POLR2C: variants seen among roughly 807,000 people sequenced by gnomAD.
POLR2C encodes DNA-directed RNA polymerase II subunit RPB3.
A neutral mutation model predicts 41.7 loss-of-function variants in POLR2C; 36 were observed. The observed-to-expected ratio is 0.86, with a 90% CI of 0.66 to 1.14. POLR2C has a LOEUF of 1.14. Ranked by LOEUF, POLR2C falls within the 50% of genes most tolerant of loss-of-function variation. The pLI is 0.00. For missense variants in POLR2C, 260 were observed against 350.4 expected (o/e 0.74, Z 2.06); for synonymous variants, 133 against 137.8 (o/e 0.96, Z 0.25).
At position 57,469,485 on chromosome 16, in the gene POLR2C, C is replaced by A; in HGVS notation, c.387+192C>A. The A allele has an allele frequency of 1.4e-6, 1 of 730,384 alleles. No homozygotes were observed. The highest frequency in any genetic ancestry group is 2.7e-5 in the East Asian group (1 of 37,280). 45.2% of individuals were successfully genotyped at this position (730,384 alleles called of 1,614,324 possible). A position where few individuals can be genotyped will look rare whatever the true frequency, so the allele number is the denominator to read the frequency against. Reference sequence around the variant, plus strand: ...GTTAGCATCGTTGGTGCTGCGCACCCTCTATCACCCAGGGACTCTTTTAAA... The same window carrying A: ...GTTAGCATCGTTGGTGCTGCGCACCATCTATCACCCAGGGACTCTTTTAAA... On this transcript the variant is annotated intron_variant, in intron 5 of 8. Transcript: ENST00000219252. This position sits in a 1 kb window ranked among gnomAD's most constrained non-coding sequence, Gnocchi z 5.8.
rs990199784 is a variant in POLR2C at position 57,470,442 on chromosome 16, C to T, written c.683+88C>T. 7 of 931,726 alleles carry T rather than the reference C, an allele frequency of 7.5e-6. No homozygotes were observed. The Admixed American group carries it at 1.1e-4, about 15-fold the overall frequency. 57.7% of individuals were successfully genotyped at this position (931,726 alleles called of 1,614,324 possible). A position where few individuals can be genotyped will look rare whatever the true frequency, so the allele number is the denominator to read the frequency against. ...CGTGAGTTAGGCATTCCCTCTCCCC[C>T]ACCTCGCAGTTCTCATAAGCTGAGG... is the stretch of plus-strand genomic sequence containing the variant. On this transcript the variant is annotated intron_variant, in intron 8 of 8. Transcript: ENST00000219252.
At chr16:57,467,627 CTTTA>C (rs1259641630) in intron 4 of POLR2C, among the ~76,000 whole-genome samples, 1 of 151,816 alleles carries the variant, frequency 6.6e-6, no homozygotes, top group African/African-American at 2.4e-5. Context: ...TTTACATTTG[CTTTA>C]TTTTTCATAT....
intron 4 of POLR2C, among the ~76,000 whole-genome samples, chr16:57,467,745 A>G (rs1294398688): frequency 6.6e-6 from 1 of 152,228 alleles, no homozygotes; most frequent in Non-Finnish European, 1.5e-5. Context: ...CTACATAACT[A>G]CACTTTCATT....
At position 57,469,457 on chromosome 16, in the gene POLR2C, A is replaced by G. The variant is rs2030777358; in HGVS notation, c.387+164A>G. 1 of 792,340 alleles carries G rather than the reference A, an allele frequency of 1.3e-6. No individual in the cohort carries two copies. The highest frequency in any genetic ancestry group is 2.2e-4 in the Middle Eastern group (1 of 4,452). 49.1% of individuals were successfully genotyped at this position (792,340 alleles called of 1,614,324 possible). On this transcript the variant is annotated intron_variant, in intron 5 of 8. Transcript: ENST00000219252. This position sits in a 1 kb window ranked among gnomAD's most constrained non-coding sequence, Gnocchi z 5.8. ...TGCTAATTCTGGATTCCTCTTGGGC[A>G]TCGTTAGCATCGTTGGTGCTGCGCA... is the stretch of plus-strand genomic sequence containing the variant.
At chr16:57,463,497 G>A in intron 2 of POLR2C, 1 of 365,024 alleles carries the variant, frequency 2.7e-6, no homozygotes, top group South Asian at 2.1e-5. Context: ...CAGGTAGTGA[G>A]CATAGTACGC....
At chr16:57,470,626 T>C (rs1338127364) in intron 8 of POLR2C, among the ~76,000 whole-genome samples, 2 of 152,180 alleles carry the variant, frequency 1.3e-5, no homozygotes. Flanking sequence ...AGGTCAACGC[T>C]AGGGGCAGAG....
At chr16:57,468,912 G>A (rs1598044347) in intron 4 of POLR2C, among the ~76,000 whole-genome samples, 2 of 152,178 alleles carry the variant, frequency 1.3e-5, no homozygotes, top group African/African-American at 4.8e-5. Context: ...CCCAGAGGTG[G>A]CCTGGCAGCT....
intron 1 of POLR2C, 90 bp from the exon 2 acceptor site, chr16:57,462,939 C>T: frequency 8.2e-7 from 1 of 1,223,732 alleles, no homozygotes; most frequent in Non-Finnish European, 1.1e-6. Context: ...TGCCCCCCTG[C>T]ACCAGGGCTT....
chr16:57,468,136 G>A (rs375298367), intron 4 of POLR2C, among the ~76,000 whole-genome samples: 13 of 152,158 alleles, frequency 8.5e-5, no homozygotes, highest in Non-Finnish European at 1.8e-4. Context: ...AGCCTCCCAA[G>A]TAGCTGGGAC....
intron 8 of POLR2C, 116 bp downstream of exon 8, chr16:57,470,470 G>A (rs2030807588): frequency 1.3e-6 from 1 of 753,194 alleles, no homozygotes; most frequent in Admixed American, 2.5e-5. Context: ...AGCTGAGGAG[G>A]GGCTGCTGAC....
chr16:57,467,343 A>G (rs1435970458), intron 4 of POLR2C, among the ~76,000 whole-genome samples: 1 of 152,256 alleles, frequency 6.6e-6, no homozygotes, highest in Non-Finnish European at 1.5e-5. Context: ...TATTTGTTTC[A>G]GATCTCCAGA....
intron 8 of POLR2C, 84 bp from the exon 9 acceptor site, chr16:57,470,891 C>G (rs1458145112): frequency 1.5e-6 from 2 of 1,377,150 alleles, no homozygotes; most frequent in Non-Finnish European, 2.0e-6. Context: ...AGCCAAGACC[C>G]GGAAGGAGGA....
Position 57,462,783 on chromosome 16 carries a change from A to C in POLR2C, c.59A>C (p.Lys20Thr), listed in dbSNP as rs776616881. The C allele has an allele frequency of 1.9e-6, 3 of 1,607,310 alleles. No individual in the cohort carries two copies. Among genetic ancestry groups the C allele is most frequent in the Non-Finnish European group, 2.5e-6 (3 of 1,176,648 alleles). Reference protein sequence around the residue: ...RITELTDENVKFIIENTDLAV... With the variant: ...RITELTDENVTFIIENTDLAV... ...ACGGAGCTCACTGACGAGAATGTCA[A>C]GTTCATCATCGAGAACACCGACCTG... The change falls in exon 1 of 9, where the codon AAG becomes ACG. Residue 20 changes from lysine (K) to threonine (T), a missense_variant. By Grantham distance (78) the Lys-to-Thr change is moderately conservative. Transcript: ENST00000219252.
In POLR2C at chr16:57,469,248, T is replaced by C; in HGVS notation, c.342T>C (p.His114=). 6.2e-7 allele frequency: 1 copy of C among 1,614,230 alleles called. No individual in the cohort carries two copies. The highest frequency in any genetic ancestry group is 8.5e-7 in the Non-Finnish European group (1 of 1,180,030). ...GGTGCAATGAAGACCAGACGCGACATGTCACGTCTCGAGACCTCATCTCCA... is the reference window on the plus strand; with the variant it reads ...GGTGCAATGAAGACCAGACGCGACACGTCACGTCTCGAGACCTCATCTCCA... ...DVRCNEDQTR[H]VTSRDLISNS... is the part of the protein sequence containing the mutation. Residue 114 remains histidine (H), a synonymous_variant, in exon 5 of 9, where the codon CAT becomes CAC. Transcript: ENST00000219252. This position sits in a 1 kb window ranked among gnomAD's most constrained non-coding sequence, Gnocchi z 5.8.
intron 2 of POLR2C, 196 bp downstream of exon 2, chr16:57,463,274 A>G: frequency 1.6e-6 from 1 of 635,222 alleles, no homozygotes; most frequent in Admixed American, 2.4e-5. Context: ...CGGGCCACTT[A>G]GGTCCACCCT....
At chr16:57,467,095 T>A (rs1444706925) in intron 4 of POLR2C, among the ~76,000 whole-genome samples, 1 of 152,022 alleles carries the variant, frequency 6.6e-6, no homozygotes, top group East Asian at 1.9e-4. Context: ...TAGCCGAGCG[T>A]GGTCCCGCTC....
chr16:57,470,485 A>C (rs1399422589), intron 8 of POLR2C, 131 bp downstream of exon 8: 14 of 675,728 alleles, frequency 2.1e-5, no homozygotes, highest in South Asian at 9.2e-5. Flanking sequence ...GCTGACTGCT[A>C]AACTAGACCT....
intron 2 of POLR2C, 28 bp from the exon 3 acceptor site, chr16:57,465,925 C>T (rs1254392860): frequency 6.8e-7 from 1 of 1,464,530 alleles, no homozygotes; most frequent in Non-Finnish European, 9.6e-7. Context: ...GATGGCTAAA[C>T]TCCATGTCTG....
chr16:57,465,859 G>A lies in POLR2C; in HGVS notation c.137-94G>A, dbSNP rs2030693531. On this transcript the variant is annotated intron_variant, in intron 2 of 8. Coordinates refer to ENST00000219252, the MANE Select transcript of POLR2C (RefSeq NM_032940.3). ...AATCAGCCCAGCAATCTGCAGTTTAGTGTCAGGTGATTCCTAAATCTTGAG... is the reference window on the plus strand; with the variant it reads ...AATCAGCCCAGCAATCTGCAGTTTAATGTCAGGTGATTCCTAAATCTTGAG... 3.7e-6 allele frequency: 3 copies of A among 818,830 alleles called. No homozygotes were observed. The South Asian group carries it at 4.2e-5, about 11-fold the overall frequency. 50.7% of individuals were successfully genotyped at this position (818,830 alleles called of 1,614,324 possible).
Sources: gnomAD v4.1 joint callset for allele counts (sites outside exome capture counted in the v4.1 genomes callset) on GRCh38, gnomAD v4.1.1 for gene constraint, Gnocchi (gnomAD v3.1) non-coding constraint, MANE v1.5 for transcripts, NCBI Gene and HGNC (gene_info 2026-07-23, HGNC 2026-07-21) for gene names.